The following CLN5 variants were observed in gnomAD, a reference collection of about 807,000 sequenced individuals.
CLN5 encodes CLN5 lysosomal BMP synthase.
A neutral mutation model predicts 36.7 loss-of-function variants in CLN5; 34 were observed. The ratio of observed to expected loss-of-function variants is 0.93; its 90% CI spans 0.71 to 1.23. The LOEUF (loss-of-function observed/expected upper bound fraction) is 1.23. Ranked by LOEUF, CLN5 falls within the 50% of genes most tolerant of loss-of-function variation. The pLI is 0.00. For synonymous variants in CLN5, 151 were observed against 155.1 expected (o/e 0.97, Z 0.20); for missense variants, 427 against 439.4 (o/e 0.97, Z 0.25).
intron 3 of CLN5, chr13:76,998,597 G>A (rs1447714087): frequency 6.6e-6 from 1 of 152,194 alleles, no homozygotes; most frequent in African/African-American, 2.4e-5. Flanking sequence ...TGATTTGGAG[G>A]TATGTTAACT....
chr13:76,995,840 C>G (rs879807206), intron 2 of CLN5, 62 bp from the exon 3 acceptor site: 2 of 1,244,400 alleles, frequency 1.6e-6, no homozygotes, highest in Non-Finnish European at 2.4e-6. Flanking sequence ...TTTCTCCTAT[C>G]AGGTTACCTG....
chr13:76,993,186 C>T (rs2034209333), intron 1 of CLN5: 1 of 152,252 alleles, frequency 6.6e-6, no homozygotes, highest in Non-Finnish European at 1.5e-5. Flanking sequence ...CTGGCTCTGT[C>T]ATCACCAGGG....
Position 77,000,892 on chromosome 13 carries a change from A to C in CLN5, c.1000A>C (p.Met334Leu). Residue 334 changes from methionine to leucine, a missense_variant, in exon 4 of 4, where the codon ATG (methionine) becomes CTG (leucine). Met to Leu is a conservative substitution (Grantham distance 15). Coordinates refer to ENST00000377453, the MANE Select transcript of CLN5 (RefSeq NM_006493.4). Reference protein sequence around the residue: ...FYNFEYWFLPMKFPFIKITYE... With the variant: ...FYNFEYWFLPLKFPFIKITYE... The stretch of plus-strand genomic sequence containing the variant: ...TAATTTTGAATATTGGTTTTTACCT[A>C]TGAAATTCCCTTTTATTAAAATAAC... 6.3e-7 allele frequency: 1 copy of C among 1,593,856 alleles called. No homozygotes were observed. The highest frequency in any genetic ancestry group is 1.1e-5 in the South Asian group (1 of 87,032).
rs2034394853 is a variant in CLN5 at position 77,003,368 on chromosome 13, CAG to C, written c.*2401_*2402del. ...CCTAAGAATCTTAATTAAATGAAGACAGAAAGCATCATAAAGTCAGGTAACTA... is the reference window on the plus strand; with the variant it reads ...CCTAAGAATCTTAATTAAATGAAGACAAAGCATCATAAAGTCAGGTAACTA... On this transcript the variant is annotated 3_prime_UTR_variant, in exon 4 of 4. Transcript: ENST00000377453. 6.6e-6 allele frequency: 1 copy of C among 152,158 alleles called. No homozygotes were observed. The highest frequency in any genetic ancestry group is 2.4e-5 in the African/African-American group (1 of 41,436). 9.4% of individuals were successfully genotyped at this position (152,158 alleles called of 1,614,324 possible).
At chr13:77,000,345 A>G in intron 3 of CLN5, 113 bp from the exon 4 acceptor site, 1 of 963,786 alleles carries the variant, frequency 1.0e-6, no homozygotes, top group East Asian at 2.6e-5. Flanking sequence ...TGATGTTACC[A>G]CCGCACTCTA....
At chr13:76,997,653 C>A (rs1239724767) in intron 3 of CLN5, 1 of 152,136 alleles carries the variant, frequency 6.6e-6, no homozygotes, top group African/African-American at 2.4e-5. Context: ...GTTTTTGTTG[C>A]ATTTGCTTTT....
At position 77,001,813 on chromosome 13, in the gene CLN5, AC is replaced by A. The variant is rs1319830559; in HGVS notation, c.*846del. 1 of 152,218 alleles carries A rather than the reference AC, an allele frequency of 6.6e-6. No individual in the cohort carries two copies. The highest frequency in any genetic ancestry group is 2.4e-5 in the African/African-American group (1 of 41,454). The allele number at this position is 152,218 out of a possible 1,614,324, so 9.4% of individuals were successfully genotyped here. A position where few individuals can be genotyped will look rare whatever the true frequency, so the allele number is the denominator to read the frequency against. On this transcript the variant is annotated 3_prime_UTR_variant, in exon 4 of 4. Transcript: ENST00000377453. ...GCATAGTGCTTCAGCGGTTCTTCTA[AC>A]CGGGGTATGCAGGAACATGGCTGCA...
At chr13:76,996,674 A>C (rs954997197) in intron 3 of CLN5, 1 of 156,364 alleles carries the variant, frequency 6.4e-6, no homozygotes, top group Non-Finnish European at 1.4e-5. Flanking sequence ...GTATATATAC[A>C]CCACATTTTC....
intron 3 of CLN5, chr13:76,999,833 T>C (rs942546207): frequency 3.9e-5 from 6 of 152,230 alleles, no homozygotes; most frequent in African/African-American, 1.4e-4. Context: ...TCTGCATTTG[T>C]ATAATTTCGC....
At chr13:76,999,209 C>G (rs1238904790) in intron 3 of CLN5, 2 of 152,160 alleles carry the variant, frequency 1.3e-5, no homozygotes, top group African/African-American at 2.4e-5. Flanking sequence ...GGCAGTCACT[C>G]TATTCATTTT....
Position 77,004,825 on chromosome 13 carries a change from A to G in CLN5, c.*3856A>G, listed in dbSNP as rs1055389975. 16 of 152,192 alleles carry G rather than the reference A, an allele frequency of 1.1e-4. No homozygotes were observed. Among genetic ancestry groups the G allele is most frequent in the African/African-American group, 2.9e-4 (12 of 41,456 alleles). The allele number at this position is 152,192 out of a possible 1,614,324, so 9.4% of individuals were successfully genotyped here. A position where few individuals can be genotyped will look rare whatever the true frequency, so the allele number is the denominator to read the frequency against. The stretch of plus-strand genomic sequence containing the variant: ...CTATTTTTTCTGATATGGTTACAAC[A>G]GCCCAAATTACCAAGATAAGTTGAA... On this transcript the variant is annotated 3_prime_UTR_variant, in exon 4 of 4. Coordinates refer to ENST00000377453, the MANE Select transcript of CLN5 (RefSeq NM_006493.4).
Position 76,992,271 on chromosome 13 carries a change from A to G in CLN5, c.173A>G (p.Lys58Arg). 6.8e-7 allele frequency: 1 copy of G among 1,462,412 alleles called. No individual in the cohort carries two copies. Among genetic ancestry groups the G allele is most frequent in the Non-Finnish European group, 9.1e-7 (1 of 1,098,064 alleles). 90.6% of individuals were successfully genotyped at this position (1,462,412 alleles called of 1,614,324 possible). Residue 58 changes from lysine (K) to arginine (R), a missense_variant and splice_region_variant, in exon 1 of 4, where the codon AAG becomes AGG. Lys to Arg is a conservative substitution (Grantham distance 26). Coordinates refer to ENST00000377453, the MANE Select transcript of CLN5 (RefSeq NM_006493.4). ...PSRRHWPVPY[K>R]RFDFRPKPDP... ...CGGCGCCACTGGCCGGTGCCCTACA[A>G]GTGAGTGCGGCGGCGCGCGCACTGT...
At chr13:76,998,615 C>T (rs973151585) in intron 3 of CLN5, 1 of 152,122 alleles carries the variant, frequency 6.6e-6, no homozygotes, top group African/African-American at 2.4e-5. Flanking sequence ...ACTCACGGTT[C>T]AGTGGAGAGG....
chr13:76,998,207 TTTTATC>T (rs879706359), intron 3 of CLN5: 3 of 152,240 alleles, frequency 2.0e-5, no homozygotes, highest in Non-Finnish European at 4.4e-5. Context: ...AGTTTAAATA[TTTTATC>T]TTTGAGATTT....
chr13:77,004,688 A>T lies in CLN5; in HGVS notation c.*3719A>T, dbSNP rs2034420764. The T allele has an allele frequency of 6.6e-6, 1 of 152,160 alleles. No homozygotes were observed. Among genetic ancestry groups the T allele is most frequent in the African/African-American group, 2.4e-5 (1 of 41,422 alleles). 9.4% of individuals were successfully genotyped at this position (152,160 alleles called of 1,614,324 possible). ...AGTGTGTTAAAGGACCTAGTGTAAA[A>T]AAAAAAAATTTTAAAGGACCTAGTG... is the stretch of plus-strand genomic sequence containing the variant. On this transcript the variant is annotated 3_prime_UTR_variant, in exon 4 of 4. Transcript: ENST00000377453.
At position 76,993,104 on chromosome 13, in the gene CLN5, CA is replaced by C. The variant is rs1449404768; in HGVS notation, c.173+836del. ...AATCAACAGCTAAAACTGCACACAA[CA>C]AACCTGAAAAAAACAGCTATTTTGT... On this transcript the variant is annotated intron_variant, in intron 1 of 3. Coordinates refer to ENST00000377453, the MANE Select transcript of CLN5 (RefSeq NM_006493.4). 3 of 152,300 alleles carry C rather than the reference CA, an allele frequency of 2.0e-5. No individual in the cohort carries two copies. The East Asian group carries it at 5.8e-4, about 29-fold the overall frequency. The allele number at this position is 152,300 out of a possible 1,614,324, so 9.4% of individuals were successfully genotyped here.
In CLN5 at chr13:77,000,937, C is replaced by A; in HGVS notation, c.1045C>A (p.Pro349Thr). Residue 349 changes from proline (P) to threonine (T), a missense_variant, in exon 4 of 4, where the codon CCT becomes ACT. Pro to Thr is a conservative substitution (Grantham distance 38). Transcript: ENST00000377453. ...AATAACATATGAAGAAATCCCTTTA[C>A]CTATCAGAAACAAAACACTCTCTGG... The part of the protein sequence containing the change: ...IKITYEEIPL[P>T]IRNKTLSGL 6.2e-7 allele frequency: 1 copy of A among 1,604,768 alleles called. No individual in the cohort carries two copies. The highest frequency in any genetic ancestry group is 8.5e-7 in the Non-Finnish European group (1 of 1,175,900).
At position 77,003,355 on chromosome 13, in the gene CLN5, A is replaced by G. The variant is rs1308733775; in HGVS notation, c.*2386A>G. On this transcript the variant is annotated 3_prime_UTR_variant, in exon 4 of 4. Transcript: ENST00000377453. ...ATTTTTCATTGTTCCTAAGAATCTT[A>G]ATTAAATGAAGACAGAAAGCATCAT... is the stretch of plus-strand genomic sequence containing the variant. The G allele has an allele frequency of 1.3e-5, 2 of 152,134 alleles. No homozygotes were observed. The highest frequency in any genetic ancestry group is 2.9e-5 in the Non-Finnish European group (2 of 68,026). 9.4% of individuals were successfully genotyped at this position (152,134 alleles called of 1,614,324 possible). A position where few individuals can be genotyped will look rare whatever the true frequency, so the allele number is the denominator to read the frequency against.
chr13:76,998,835 A>G (rs554680649), intron 3 of CLN5: 1 of 152,342 alleles, frequency 6.6e-6, no homozygotes, highest in South Asian at 2.1e-4. Flanking sequence ...AACCATACCA[A>G]CAATACAAAA....
Sources: gnomAD v4.1 joint callset for allele counts on GRCh38, gnomAD v4.1.1 for gene constraint, MANE v1.5 for transcripts, NCBI Gene and HGNC (gene_info 2026-07-23, HGNC 2026-07-21) for gene names.